The following COPS7B variants were observed in gnomAD, a reference collection of about 807,000 sequenced individuals.
The protein encoded by COPS7B is COP9 signalosome subunit 7B.
In COPS7B, 9 loss-of-function variants were observed where a neutral mutation model predicts 33.4. The observed-to-expected ratio is 0.27, with a 90% CI of 0.16 to 0.47. The LOEUF is 0.47. Among genes scored for constraint, COPS7B ranks in the 20% least tolerant of loss-of-function variants. COPS7B has a pLI of 0.99. For synonymous variants in COPS7B, 119 were observed against 126.3 expected (o/e 0.94, Z 0.39); for missense variants, 242 against 318.2 (o/e 0.76, Z 1.82).
chr2:231,791,874 A>C (rs1044285853), intron 3 of COPS7B, 66 bp downstream of exon 3: 1 of 1,430,500 alleles, frequency 7.0e-7, no homozygotes, highest in South Asian at 1.2e-5. Flanking sequence ...AAGACCATCA[A>C]GGTTTGAGAT....
upstream of COPS7B, chr2:231,781,760 T>A: frequency 1.1e-5 from 16 of 1,409,038 alleles, no homozygotes; most frequent in Non-Finnish European, 1.6e-5. Context: ...CCCGCTGAGT[T>A]GGTCGTTTCG....
Position 231,788,634 on chromosome 2 carries a change from AC to A in COPS7B, c.66del (p.Ser23ValfsTer9). On this transcript the variant is annotated frameshift_variant, in exon 2 of 7. Coordinates refer to ENST00000350033, the MANE Select transcript of COPS7B (RefSeq NM_022730.4). LOFTEE classifies it high-confidence loss of function. ...LEQFILLAKG[T>X]SGSALTALIS... ...GCAGTTTATTTTACTAGCCAAAGGT[AC>A]CAGTGGCTCAGCCCTCACTGCTCTC... 6.2e-7 allele frequency: 1 copy of A among 1,614,184 alleles called. No individual in the cohort carries two copies. Among genetic ancestry groups the A allele is most frequent in the Non-Finnish European group, 8.5e-7 (1 of 1,180,004 alleles).
Position 231,796,270 on chromosome 2 carries a change from G to T in COPS7B, c.492G>T (p.Lys164Asn). The change falls in exon 5 of 7, where the codon AAG becomes AAT. Residue 164 changes from lysine (K) to asparagine (N), a missense_variant. Coordinates refer to ENST00000350033, the MANE Select transcript of COPS7B (RefSeq NM_022730.4). ...VDFCIGRDIR[K>N]KDINNIVKTL... ...TCTGCATTGGCCGTGACATCCGAAA[G>T]AAGGATATCAATAATATTGTCAAGA... The T allele has an allele frequency of 6.2e-7, 1 of 1,614,210 alleles. No individual in the cohort carries two copies. The highest frequency in any genetic ancestry group is 2.2e-5 in the East Asian group (1 of 44,892).
rs4555339 is a variant in COPS7B at position 231,804,368 on chromosome 2, G to A, written c.637-3119G>A. On this transcript the variant is annotated intron_variant, in intron 6 of 6. Transcript: ENST00000350033. ...GTTCACGCCATTCTCCTGCCTCAGC[G>A]TCCCGAGTAGCTGGGACTACAGGTG... 3.4e-3 allele frequency among the ~76,000 whole-genome samples: 516 copies of A among 151,434 alleles called. 2 individuals are homozygous for A. Among genetic ancestry groups the A allele is most frequent in the Non-Finnish European group, 5.2e-3 (351 of 67,810 alleles).
At chr2:231,798,801 G>A (rs1390623005) in intron 5 of COPS7B, 58 bp from the exon 6 acceptor site, 2 of 1,402,828 alleles carry the variant, frequency 1.4e-6, no homozygotes, top group Non-Finnish European at 2.0e-6. Context: ...ATATTTCTGA[G>A]CCTGGAAGAG....
chr2:231,790,771 G>T (rs1444741055), intron 2 of COPS7B: 1 of 143,204 alleles, frequency 7.0e-6, no homozygotes, highest in African/African-American at 2.6e-5. Context: ...TCGCTCTGTC[G>T]CCCAGGCCGG....
At chr2:231,795,174 C>T (rs2049531322) in intron 4 of COPS7B, among the ~76,000 whole-genome samples, 1 of 151,978 alleles carries the variant, frequency 6.6e-6, no homozygotes, top group Non-Finnish European at 1.5e-5. Flanking sequence ...CTGCCTCGGC[C>T]TCCCAAAGTG....
chr2:231,784,177 G>A (rs1161963543), upstream of COPS7B, among the ~76,000 whole-genome samples: 2 of 152,036 alleles, frequency 1.3e-5, no homozygotes, highest in Non-Finnish European at 2.9e-5. Context: ...GGCACACTTT[G>A]AAGGGCTTTC....
intron 2 of COPS7B, 82 bp from the exon 3 acceptor site, chr2:231,791,651 C>A: frequency 8.5e-7 from 1 of 1,182,816 alleles, no homozygotes; most frequent in Non-Finnish European, 1.3e-6. Context: ...ATCTTTGACA[C>A]ATGCTCACCC....
chr2:231,802,658 G>T (rs1220663048), intron 6 of COPS7B, among the ~76,000 whole-genome samples: 1 of 152,208 alleles, frequency 6.6e-6, no homozygotes, highest in Non-Finnish European at 1.5e-5. Flanking sequence ...AGAGGAATTG[G>T]AATTCTTAAG....
At chr2:231,801,439 A>G in intron 6 of COPS7B, 1 of 485,262 alleles carries the variant, frequency 2.1e-6, no homozygotes, top group Non-Finnish European at 2.7e-6. Flanking sequence ...TTGATTTTGG[A>G]AAGTATTTTC....
chr2:231,787,375 C>G (rs1358740704), intron 1 of COPS7B, among the ~76,000 whole-genome samples: 2 of 152,316 alleles, frequency 1.3e-5, no homozygotes, highest in African/African-American at 4.8e-5. Context: ...CTGCACTCTA[C>G]TATACCGTTT....
chr2:231,791,874 A>G lies in COPS7B; in HGVS notation c.238+66A>G, dbSNP rs1044285853. On this transcript the variant is annotated intron_variant, in intron 3 of 6. Transcript: ENST00000350033. ...TGTTGCTCAGTTTGGAAGACCATCA[A>G]GGTTTGAGATATAAAGCATGGGGTA... 7.7e-6 allele frequency: 11 copies of G among 1,430,382 alleles called. No homozygotes were observed. In the Admixed American group the frequency reaches 8.4e-5, roughly 11 times the overall value. 88.6% of individuals were successfully genotyped at this position (1,430,382 alleles called of 1,614,324 possible).
upstream of COPS7B, chr2:231,781,766 T>G (rs2049137011): frequency 1.4e-6 from 2 of 1,477,132 alleles, no homozygotes; most frequent in Non-Finnish European, 1.8e-6. Flanking sequence ...GAGTTGGTCG[T>G]TTCGGAATCC....
intron 4 of COPS7B, among the ~76,000 whole-genome samples, chr2:231,794,709 A>G (rs1361755523): frequency 2.0e-5 from 3 of 152,222 alleles, no homozygotes; most frequent in African/African-American, 7.2e-5. Flanking sequence ...ACAGTGAACT[A>G]TGCCCATGCT....
intron 2 of COPS7B, chr2:231,791,488 G>T: frequency 4.0e-6 from 2 of 500,146 alleles, no homozygotes; most frequent in Non-Finnish European, 7.2e-6. Flanking sequence ...AAAGCAGTTC[G>T]TTGGGCATGC....
chr2:231,787,375 C>T (rs1358740704), intron 1 of COPS7B, among the ~76,000 whole-genome samples: 1 of 152,198 alleles, frequency 6.6e-6, no homozygotes, highest in African/African-American at 2.4e-5. Flanking sequence ...CTGCACTCTA[C>T]TATACCGTTT....
At chr2:231,805,672 C>T (rs933790979) in intron 6 of COPS7B, among the ~76,000 whole-genome samples, 1 of 151,666 alleles carries the variant, frequency 6.6e-6, no homozygotes, top group Non-Finnish European at 1.5e-5. Context: ...TAAGGTCTTA[C>T]TTGAATGTCA....
At chr2:231,801,738 G>T (rs1304170809) in intron 6 of COPS7B, among the ~76,000 whole-genome samples, 2 of 151,514 alleles carry the variant, frequency 1.3e-5, no homozygotes, top group South Asian at 4.2e-4. Context: ...TCTTTGTTGG[G>T]ATTACAGGCG....
Sources: gnomAD v4.1 joint callset for allele counts (sites outside exome capture counted in the v4.1 genomes callset) on GRCh38, gnomAD v4.1.1 for gene constraint, MANE v1.5 for transcripts, NCBI Gene and HGNC (gene_info 2026-07-23, HGNC 2026-07-21) for gene names.